ACTR3B: variants seen among roughly 807,000 people sequenced by gnomAD.
ACTR3B encodes actin related protein 3B, also known as actin-related protein 3B.
ACTR3B carries 8 observed loss-of-function variants against 59.0 expected under a neutral mutation model. That is an observed-to-expected ratio of 0.14 (90% CI 0.08 to 0.24). The LOEUF is 0.24. Among genes scored for constraint, ACTR3B ranks in the 10% least tolerant of loss-of-function variants. The pLI is 1.00. For missense variants in ACTR3B, 245 were observed against 552.3 expected (o/e 0.44, Z 5.58); for synonymous variants, 148 against 197.9 (o/e 0.75, Z 2.12).
At chr7:152,761,434 G>T (rs2098088922) in intron 1 of ACTR3B, among the ~76,000 whole-genome samples, 2 of 152,282 alleles carry the variant, frequency 1.3e-5, no homozygotes, top group East Asian at 1.9e-4. Flanking sequence ...GGAATTCTTG[G>T]TAGTAGCAAT....
chr7:152,851,238 T>C (rs1217717020), intron 9 of ACTR3B, among the ~76,000 whole-genome samples: 1 of 152,248 alleles, frequency 6.6e-6, no homozygotes, highest in Non-Finnish European at 1.5e-5. Flanking sequence ...GGAAAAGTTA[T>C]ATAAATGTGG....
intron 2 of ACTR3B, among the ~76,000 whole-genome samples, chr7:152,788,888 T>C (rs1236501959): frequency 3.9e-5 from 6 of 152,178 alleles, no homozygotes; most frequent in African/African-American, 4.8e-5. Flanking sequence ...CCGGATGTGG[T>C]GGCTCACACC....
At chr7:152,798,445 A>G (rs377571845) in intron 2 of ACTR3B, among the ~76,000 whole-genome samples, 18 of 152,062 alleles carry the variant, frequency 1.2e-4, no homozygotes, top group African/African-American at 4.3e-4. Flanking sequence ...TTTGTCAGGT[A>G]GATAGTTTGC....
chr7:152,831,327 C>G (rs1797009937), intron 9 of ACTR3B, among the ~76,000 whole-genome samples: 1 of 152,198 alleles, frequency 6.6e-6, no homozygotes, highest in Admixed American at 6.5e-5. Flanking sequence ...GCGCCAGGTC[C>G]CACTGCGGGC....
intron 1 of ACTR3B, among the ~76,000 whole-genome samples, chr7:152,762,349 A>G (rs2098092175): frequency 1.3e-5 from 2 of 152,224 alleles, no homozygotes; most frequent in South Asian, 4.1e-4. Context: ...AGTCTTTTGC[A>G]TTTTTCAACT....
At chr7:152,773,250 G>C (rs2098128535) in intron 1 of ACTR3B, among the ~76,000 whole-genome samples, 1 of 151,336 alleles carries the variant, frequency 6.6e-6, no homozygotes, top group African/African-American at 2.4e-5. Context: ...TTACATATAA[G>C]TCATTCATTC....
At chr7:152,808,723 T>A (rs1416185726) in intron 4 of ACTR3B, among the ~76,000 whole-genome samples, 1 of 152,226 alleles carries the variant, frequency 6.6e-6, no homozygotes, top group East Asian at 1.9e-4. Flanking sequence ...TGGGTTCCTA[T>A]TCAAGATGAG....
At chr7:152,767,946 G>T (rs749996950) in intron 1 of ACTR3B, among the ~76,000 whole-genome samples, 3 of 152,220 alleles carry the variant, frequency 2.0e-5, no homozygotes, top group African/African-American at 7.2e-5. Flanking sequence ...TGGGCCTGGC[G>T]CAGTGGCTCA....
chr7:152,799,721 G>A (rs368027953), intron 2 of ACTR3B, among the ~76,000 whole-genome samples: 1 of 152,352 alleles, frequency 6.6e-6, no homozygotes, highest in African/African-American at 2.4e-5. Flanking sequence ...AAGCCTTCAA[G>A]TGAGGAGATG....
At chr7:152,793,363 C>G (rs144684702) in intron 2 of ACTR3B, among the ~76,000 whole-genome samples, 650 of 120,410 alleles carry the variant, frequency 5.4e-3, no homozygotes, top group East Asian at 0.021. Context: ...TCTATTTTCT[C>G]TCTTTTGTTT....
At chr7:152,803,313 G>T (rs1020983853) in intron 4 of ACTR3B, among the ~76,000 whole-genome samples, 1 of 152,178 alleles carries the variant, frequency 6.6e-6, no homozygotes, top group Non-Finnish European at 1.5e-5. Context: ...CTCCCAAAGC[G>T]TTGGGATTAT....
chr7:152,782,418 C>T (rs1297929912), intron 1 of ACTR3B, among the ~76,000 whole-genome samples: 2 of 151,744 alleles, frequency 1.3e-5, no homozygotes, highest in Non-Finnish European at 2.9e-5. Context: ...TTTTTCCCAC[C>T]ACCCCCCCTT....
intron 2 of ACTR3B, among the ~76,000 whole-genome samples, chr7:152,783,999 A>G (rs909368277): frequency 6.6e-6 from 1 of 152,018 alleles, no homozygotes; most frequent in Non-Finnish European, 1.5e-5. Context: ...CTGAGGCAGG[A>G]GAATCACTTG....
At chr7:152,798,649 A>T (rs2098225288) in intron 2 of ACTR3B, among the ~76,000 whole-genome samples, 1 of 152,218 alleles carries the variant, frequency 6.6e-6, no homozygotes, top group Non-Finnish European at 1.5e-5. Context: ...ATAGTTTCAC[A>T]GTTTCAGGTC....
At chr7:152,801,801 A>T (rs1034638213) in intron 4 of ACTR3B, 70 bp downstream of exon 4, 9 of 565,268 alleles carry the variant, frequency 1.6e-5, no homozygotes, top group Non-Finnish European at 2.9e-5. Flanking sequence ...AACTGAAGAT[A>T]TTCTTTTCTA....
intron 1 of ACTR3B, among the ~76,000 whole-genome samples, chr7:152,778,382 C>T (rs533734475): frequency 2.0e-5 from 3 of 151,732 alleles, no homozygotes; most frequent in Non-Finnish European, 4.4e-5. Flanking sequence ...ACTGCGGGCA[C>T]GTGCCACCAT....
At chr7:152,774,203 C>T (rs79649504) in intron 1 of ACTR3B, among the ~76,000 whole-genome samples, 37,350 of 152,132 alleles carry the variant, frequency 0.25, 5,655 homozygotes, top group East Asian at 0.71. Flanking sequence ...ATGGCGTGAT[C>T]TCAACTCACT....
At chr7:152,780,698 A>G (rs1340779526) in intron 1 of ACTR3B, among the ~76,000 whole-genome samples, 1 of 151,686 alleles carries the variant, frequency 6.6e-6, no homozygotes, top group East Asian at 1.9e-4. Context: ...CCTATCAGGT[A>G]TCTACTAGAT....
At chr7:152,818,932 T>C (rs2116845901) in intron 6 of ACTR3B, among the ~76,000 whole-genome samples, 1 of 152,364 alleles carries the variant, frequency 6.6e-6, no homozygotes, top group East Asian at 1.9e-4. Context: ...TGAAAATACA[T>C]TTAAGAAGTA....
Sources: gnomAD v4.1 joint callset for allele counts (sites outside exome capture counted in the v4.1 genomes callset) on GRCh38, gnomAD v4.1.1 for gene constraint, MANE v1.5 for transcripts, NCBI Gene and HGNC (gene_info 2026-07-23, HGNC 2026-07-21) for gene names.